The following ARL15 variants were observed in gnomAD, a reference collection of about 807,000 sequenced individuals.
ARL15 encodes the protein ARF like GTPase 15.
Under a neutral mutation model 25.2 loss-of-function variants are expected in ARL15, and 19 were observed. The ratio of observed to expected loss-of-function variants is 0.75; its 90% CI spans 0.53 to 1.10. The LOEUF is 1.10. ARL15 is among the 50% of genes least tolerant of loss of function. The probability of loss-of-function intolerance (pLI) is 0.00; values close to 1 mark genes in which losing one functional copy is unlikely to be tolerated. For missense variants in ARL15, 220 were observed against 246.0 expected, an observed-to-expected ratio of 0.89 and a Z score of 0.71; for synonymous variants, 94 against 86.8, an observed-to-expected ratio of 1.08 and a Z score of -0.46.
intron 4 of ARL15, among the ~76,000 whole-genome samples, chr5:53,910,624 A>AT (rs1491428565): frequency 2.2e-4 from 1 of 4,566 alleles, no homozygotes; most frequent in Non-Finnish European, 9.6e-3. Context: ...AAAGTATAAT[A>AT]AAAAAAAATT....
At chr5:54,100,855 T>C (rs950213665) in intron 4 of ARL15, among the ~76,000 whole-genome samples, 4 of 152,080 alleles carry the variant, frequency 2.6e-5, no homozygotes, top group African/African-American at 7.2e-5. Flanking sequence ...AATTGTAAAT[T>C]AGAGCTGAAC....
At chr5:54,147,971 T>C (rs914898166) in intron 3 of ARL15, among the ~76,000 whole-genome samples, 2 of 152,110 alleles carry the variant, frequency 1.3e-5, no homozygotes, top group African/African-American at 4.8e-5. Context: ...AAATGAGAGA[T>C]GGTAGTGGGG....
intron 1 of ARL15, among the ~76,000 whole-genome samples, chr5:54,279,134 T>C (rs1757992123): frequency 6.6e-6 from 1 of 152,224 alleles, no homozygotes; most frequent in Non-Finnish European, 1.5e-5. Context: ...CCATAATCTT[T>C]TTAGGTTTCC....
At chr5:53,921,048 A>C (rs1425339327) in intron 4 of ARL15, among the ~76,000 whole-genome samples, 1 of 152,226 alleles carries the variant, frequency 6.6e-6, no homozygotes, top group African/African-American at 2.4e-5. Context: ...GAGTGCCCCC[A>C]CTGACCATAT....
At chr5:53,887,543 G>A (rs554009672) in intron 4 of ARL15, among the ~76,000 whole-genome samples, 2 of 152,208 alleles carry the variant, frequency 1.3e-5, no homozygotes, top group African/African-American at 4.8e-5. Flanking sequence ...AATTATTATG[G>A]CTTCTAGAAG....
chr5:54,118,604 G>A (rs190089142), intron 3 of ARL15, among the ~76,000 whole-genome samples: 1 of 152,258 alleles, frequency 6.6e-6, no homozygotes, highest in East Asian at 1.9e-4. Flanking sequence ...TTTCTAGCGG[G>A]AATAAAAGTC....
At chr5:54,139,553 T>C (rs543721398) in intron 3 of ARL15, among the ~76,000 whole-genome samples, 2 of 152,276 alleles carry the variant, frequency 1.3e-5, no homozygotes, top group African/African-American at 4.8e-5. Flanking sequence ...AAAAACAACA[T>C]ATTGGTTACA....
intron 4 of ARL15, among the ~76,000 whole-genome samples, chr5:54,083,055 GT>G (rs1416468942): frequency 6.6e-6 from 1 of 152,142 alleles, no homozygotes; most frequent in Non-Finnish European, 1.5e-5. Flanking sequence ...GTAAGCAAAT[GT>G]GGTATGTTTA....
At chr5:53,990,731 G>T (rs1349589772) in intron 4 of ARL15, among the ~76,000 whole-genome samples, 1 of 152,274 alleles carries the variant, frequency 6.6e-6, no homozygotes, top group East Asian at 1.9e-4. Context: ...TTTAAAAATT[G>T]AATCATATTT....
At chr5:53,895,928 T>C (rs1299377731) in intron 4 of ARL15, among the ~76,000 whole-genome samples, 2 of 152,260 alleles carry the variant, frequency 1.3e-5, no homozygotes, top group African/African-American at 4.8e-5. Context: ...TTCTGGTACA[T>C]TCTAAATGAG....
At chr5:53,982,250 T>C (rs555782244) in intron 4 of ARL15, among the ~76,000 whole-genome samples, 5 of 151,884 alleles carry the variant, frequency 3.3e-5, no homozygotes, top group African/African-American at 9.7e-5. Context: ...GTTTGTTACA[T>C]AGGTATACAT....
chr5:53,947,228 C>T (rs1227552760), intron 4 of ARL15, among the ~76,000 whole-genome samples: 2 of 96,174 alleles, frequency 2.1e-5, no homozygotes, highest in South Asian at 3.5e-4. Flanking sequence ...GTGTTGAGGG[C>T]TGGGAGAGAA....
intron 1 of ARL15, among the ~76,000 whole-genome samples, chr5:54,277,885 A>G (rs1292783136): frequency 1.3e-5 from 2 of 152,260 alleles, no homozygotes; most frequent in African/African-American, 4.8e-5. Context: ...TCAAATCTCC[A>G]TCACTTGTTT....
chr5:54,222,488 T>C (rs1361823341), intron 1 of ARL15, among the ~76,000 whole-genome samples: 2 of 152,234 alleles, frequency 1.3e-5, no homozygotes, highest in Non-Finnish European at 2.9e-5. Flanking sequence ...CAGAGTGTTC[T>C]AGGAGCTTCT....
intron 4 of ARL15, among the ~76,000 whole-genome samples, chr5:53,888,273 A>G (rs911951900): frequency 2.0e-5 from 3 of 151,278 alleles, no homozygotes; most frequent in Admixed American, 1.3e-4. Flanking sequence ...TTATTTATTT[A>G]TTTTTTTATT....
intron 4 of ARL15, among the ~76,000 whole-genome samples, chr5:53,933,661 A>AAAG: frequency 6.6e-6 from 1 of 151,676 alleles, no homozygotes; most frequent in South Asian, 2.1e-4. Context: ...AAAAAAAAAA[A>AAAG]AAAAGATGCA....
intron 4 of ARL15, among the ~76,000 whole-genome samples, chr5:54,108,668 A>G (rs564053028): frequency 6.6e-6 from 1 of 152,252 alleles, no homozygotes; most frequent in East Asian, 1.9e-4. Context: ...ATCAAGCAAT[A>G]TAAATATAAA....
chr5:53,936,029 G>A (rs1214021823), intron 4 of ARL15, among the ~76,000 whole-genome samples: 2 of 152,068 alleles, frequency 1.3e-5, no homozygotes, highest in African/African-American at 4.8e-5. Context: ...GATTACAGGC[G>A]TGGCCATCGT....
At chr5:54,203,168 G>A (rs1341126560) in intron 1 of ARL15, among the ~76,000 whole-genome samples, 7 of 151,868 alleles carry the variant, frequency 4.6e-5, no homozygotes, top group Non-Finnish European at 1.0e-4. Context: ...ACTATACTCA[G>A]CTCCCCACTC....
Sources: gnomAD v4.1 joint callset for allele counts (sites outside exome capture counted in the v4.1 genomes callset) on GRCh38, gnomAD v4.1.1 for gene constraint, MANE v1.5 for transcripts, NCBI Gene and HGNC (gene_info 2026-07-23, HGNC 2026-07-21) for gene names.